Variants in IL1RAPL2 observed in about 807,000 individuals in gnomAD.
The protein encoded by IL1RAPL2 is interleukin 1 receptor accessory protein like 2, also known as X-linked interleukin-1 receptor accessory protein-like 2.
In IL1RAPL2, 3 loss-of-function variants were observed where a neutral mutation model predicts 44.1. That is an observed-to-expected ratio of 0.07 (90% CI 0.03 to 0.18). The LOEUF (loss-of-function observed/expected upper bound fraction) is 0.18. Ranked by LOEUF, IL1RAPL2 falls within the 10% of genes least tolerant of loss-of-function variation. IL1RAPL2 has a pLI of 1.00. For missense variants in IL1RAPL2, 391 were observed against 496.4 expected (o/e 0.79, Z 2.02); for synonymous variants, 181 against 178.8 (o/e 1.01, Z -0.10).
chrX:105,212,913 A>C (rs1480347975), intron 3 of IL1RAPL2, among the ~76,000 whole-genome samples: 1 of 111,746 alleles, frequency 8.9e-6, no homozygotes, highest in Non-Finnish European at 1.9e-5. Context: ...AAAACTAACA[A>C]ACAGAAACCA....
At chrX:104,630,438 C>A (rs1349795067) in intron 1 of IL1RAPL2, among the ~76,000 whole-genome samples, 3 of 109,428 alleles carry the variant, frequency 2.7e-5, no homozygotes, top group Admixed American at 2.0e-4. Context: ...TGGGCCACTG[C>A]GCCCGGCAGG....
chrX:105,132,685 A>G (rs1446998072), intron 2 of IL1RAPL2, among the ~76,000 whole-genome samples: 2 of 111,616 alleles, frequency 1.8e-5, no homozygotes, highest in Non-Finnish European at 3.8e-5. Flanking sequence ...CAAGGAAAGT[A>G]TTCTTGTTAG....
intron 6 of IL1RAPL2, among the ~76,000 whole-genome samples, chrX:105,615,254 T>C (rs1444358307): frequency 9.1e-6 from 1 of 109,509 alleles, no homozygotes; most frequent in African/African-American, 3.3e-5. Context: ...GTACAACCAC[T>C]ATGAAGAACA....
chrX:104,777,105 G>T (rs5917141), intron 2 of IL1RAPL2, among the ~76,000 whole-genome samples: 41,262 of 109,910 alleles, frequency 0.38, 5,992 homozygotes, highest in East Asian at 0.46. Context: ...TTCATTGGCA[G>T]TAAGTACATT....
At chrX:105,739,271 C>T (rs1268275195) in intron 7 of IL1RAPL2, among the ~76,000 whole-genome samples, 1 of 110,801 alleles carries the variant, frequency 9.0e-6, no homozygotes, top group African/African-American at 3.3e-5. Flanking sequence ...CCATACAAGC[C>T]ATGCTGACTT....
Position 105,597,000 on chromosome X carries a change from A to G in IL1RAPL2, c.772+112613A>G, listed in dbSNP as rs1479479438. Among the ~76,000 whole-genome samples, 4 of 111,974 alleles carry G rather than the reference A, an allele frequency of 3.6e-5. No individual in the cohort carries two copies. In the Admixed American group the frequency reaches 3.8e-4, roughly 11 times the overall value. ...CATCAAACTAAAAAGCTTCTGCACA[A>G]AAAAGGGACAAATCAACAAAATGCA... On this transcript the variant is annotated intron_variant, in intron 6 of 10. Coordinates refer to ENST00000372582, the MANE Select transcript of IL1RAPL2 (RefSeq NM_017416.2).
At chrX:105,101,711 T>G (rs2032673630) in intron 2 of IL1RAPL2, among the ~76,000 whole-genome samples, 1 of 111,660 alleles carries the variant, frequency 9.0e-6, no homozygotes, top group African/African-American at 3.3e-5. Context: ...GTAGGAATGG[T>G]GTATCCCCTT....
At chrX:105,222,907 T>C (rs1556184126) in intron 3 of IL1RAPL2, among the ~76,000 whole-genome samples, 1 of 111,589 alleles carries the variant, frequency 9.0e-6, no homozygotes, top group African/African-American at 3.3e-5. Flanking sequence ...CCTAGCACTT[T>C]GGGAGGCTGT....
chrX:105,742,485 C>T (rs938781075), intron 8 of IL1RAPL2, among the ~76,000 whole-genome samples: 1 of 111,238 alleles, frequency 9.0e-6, no homozygotes, highest in Non-Finnish European at 1.9e-5. Flanking sequence ...ATAAGTAAAG[C>T]AACACAAGGC....
At chrX:105,012,167 A>G (rs1569360789) in intron 2 of IL1RAPL2, among the ~76,000 whole-genome samples, 2 of 111,308 alleles carry the variant, frequency 1.8e-5, no homozygotes, top group Non-Finnish European at 1.9e-5. Context: ...AATAGGACAT[A>G]TGATGCCTCA....
intron 6 of IL1RAPL2, among the ~76,000 whole-genome samples, chrX:105,632,954 T>G (rs2037500902): frequency 8.9e-6 from 1 of 111,934 alleles, no homozygotes; most frequent in Admixed American, 9.5e-5. Context: ...GAAAGGAATT[T>G]GGTAAAGAAC....
At chrX:104,865,423 G>A (rs755408271) in intron 2 of IL1RAPL2, among the ~76,000 whole-genome samples, 17 of 111,578 alleles carry the variant, frequency 1.5e-4, no homozygotes, top group Non-Finnish European at 2.4e-4. Flanking sequence ...TATGATTTTG[G>A]GAGATGTGTA....
intron 6 of IL1RAPL2, among the ~76,000 whole-genome samples, chrX:105,521,324 C>T (rs1163281354): frequency 9.1e-6 from 1 of 110,093 alleles, no homozygotes; most frequent in East Asian, 2.9e-4. Context: ...GGGTCATGTA[C>T]TCACATGGGG....
At position 105,625,240 on chromosome X, in the gene IL1RAPL2, C is replaced by T. The variant is rs1385153680; in HGVS notation, c.773-92127C>T. ...TATACAACACATGCAGACATTCATT[C>T]ATACAGGTAGCAAAATGCTAATTAA... On this transcript the variant is annotated intron_variant, in intron 6 of 10. Transcript: ENST00000372582. 3.6e-5 allele frequency among the ~76,000 whole-genome samples: 4 copies of T among 112,140 alleles called. No homozygotes were observed. The East Asian group carries it at 1.1e-3, about 32-fold the overall frequency.
At chrX:104,778,770 G>C in intron 2 of IL1RAPL2, among the ~76,000 whole-genome samples, 1 of 109,340 alleles carries the variant, frequency 9.1e-6, no homozygotes, top group Non-Finnish European at 1.9e-5. Context: ...TACTAAGCAG[G>C]TAGACTGGGG....
intron 2 of IL1RAPL2, among the ~76,000 whole-genome samples, chrX:105,097,961 G>T (rs2001046): frequency 0.43 from 47,458 of 110,559 alleles, 8,384 homozygotes; most frequent in East Asian, 0.74. Context: ...GAACCATGGG[G>T]GAGTGGAGCT....
intron 6 of IL1RAPL2, among the ~76,000 whole-genome samples, chrX:105,617,952 A>G (rs1452376661): frequency 9.0e-6 from 1 of 111,463 alleles, no homozygotes; most frequent in Non-Finnish European, 1.9e-5. Flanking sequence ...CACAAAGAAC[A>G]AGTAATTTTT....
chrX:104,847,029 C>T (rs760475078), intron 2 of IL1RAPL2, among the ~76,000 whole-genome samples: 1 of 111,966 alleles, frequency 8.9e-6, no homozygotes, highest in East Asian at 2.8e-4. Flanking sequence ...CCTTTGCCCA[C>T]TTTTTGATGG....
chrX:105,533,730 A>C (rs2036657404), intron 6 of IL1RAPL2, among the ~76,000 whole-genome samples: 1 of 111,889 alleles, frequency 8.9e-6, no homozygotes, highest in South Asian at 3.6e-4. Context: ...GATTTTTTTC[A>C]CTCAGAAAAT....
Sources: gnomAD v4.1 joint callset for allele counts (sites outside exome capture counted in the v4.1 genomes callset) on GRCh38, gnomAD v4.1.1 for gene constraint, MANE v1.5 for transcripts, NCBI Gene and HGNC (gene_info 2026-07-23, HGNC 2026-07-21) for gene names.